The following ZDHHC15 variants were observed in gnomAD, a reference collection of about 807,000 sequenced individuals.
The protein encoded by ZDHHC15 is palmitoyltransferase ZDHHC15.
In ZDHHC15, 19 loss-of-function variants were observed where a neutral mutation model predicts 31.7. The observed-to-expected ratio is 0.60, with a 90% CI of 0.42 to 0.88. The LOEUF (loss-of-function observed/expected upper bound fraction) is 0.88, where lower values mean the gene tolerates loss of function less well. Ranked by LOEUF, ZDHHC15 falls within the 40% of genes least tolerant of loss-of-function variation. The pLI, the probability that ZDHHC15 is intolerant of heterozygous loss-of-function variation, is 0.00. For missense variants in ZDHHC15, 209 were observed against 251.2 expected (o/e 0.83, Z 1.14); for synonymous variants, 103 against 90.0 (o/e 1.14, Z -0.82).
chrX:75,387,308 C>G (rs1364342725), intron 10 of ZDHHC15, among the ~76,000 whole-genome samples: 1 of 111,774 alleles, frequency 8.9e-6, no homozygotes, highest in Admixed American at 9.5e-5. Context: ...CCATAACCTT[C>G]CCAAATGGAC....
At chrX:75,513,208 C>T (rs2085302212) in intron 1 of ZDHHC15, among the ~76,000 whole-genome samples, 1 of 111,565 alleles carries the variant, frequency 9.0e-6, no homozygotes, top group African/African-American at 3.3e-5. Flanking sequence ...TAGGCATTAC[C>T]ATTCAGGACA....
At chrX:75,496,217 A>G (rs1017616853) in intron 2 of ZDHHC15, among the ~76,000 whole-genome samples, 2 of 111,651 alleles carry the variant, frequency 1.8e-5, no homozygotes, top group Non-Finnish European at 3.8e-5. Context: ...CTTATATCAG[A>G]CAAAACAGAC....
chrX:75,444,993 C>T (rs2084013417), intron 4 of ZDHHC15, among the ~76,000 whole-genome samples: 2 of 108,656 alleles, frequency 1.8e-5, no homozygotes, highest in Admixed American at 2.0e-4. Flanking sequence ...AGAAATTATA[C>T]CATTGTTTCT....
Position 75,417,177 on chromosome X carries a change from G to A in ZDHHC15, c.877C>T (p.His293Tyr), listed in dbSNP as rs2083558135. ...IPIGSSPGDG[H>Y]SFPMRSMNES... ...TTCATAGACCTCATAGGGAAGGAGT[G>A]TCCATCACCAGGGCTGATGGGAAAA... The change falls in exon 10 of 12, where the codon CAC (histidine) becomes TAC (tyrosine). Residue 293 changes from histidine (H) to tyrosine (Y), a missense_variant. Physicochemically the swap from His to Tyr is moderately conservative, Grantham distance 83. Transcript: ENST00000373367. The A allele has an allele frequency of 8.3e-7, 1 of 1,201,512 alleles. No homozygotes were observed. Among genetic ancestry groups the A allele is most frequent in the Non-Finnish European group, 1.1e-6 (1 of 888,163 alleles).
chrX:75,384,748 C>A, intron 10 of ZDHHC15: 2 of 941,149 alleles, frequency 2.1e-6, no homozygotes, highest in Non-Finnish European at 3.1e-6. Flanking sequence ...GCCTGCTCCA[C>A]CCAGAGAAGC....
intron 1 of ZDHHC15, among the ~76,000 whole-genome samples, chrX:75,507,610 T>C (rs1163636089): frequency 8.9e-6 from 1 of 111,842 alleles, no homozygotes; most frequent in Non-Finnish European, 1.9e-5. Context: ...AGTGTACATT[T>C]AGCCATGCTA....
In ZDHHC15 at chrX:75,402,150, T is replaced by C. The variant is rs187742031; in HGVS notation, c.967+14937A>G. On this transcript the variant is annotated intron_variant, in intron 10 of 11. Coordinates refer to ENST00000373367, the MANE Select transcript of ZDHHC15 (RefSeq NM_144969.3). The stretch of plus-strand genomic sequence containing the variant: ...TGCTCCTGAATGACTTTTAGGTAAA[T>C]AATGAAATTAAGGCAGAAATTAAGT... 2.4e-4 allele frequency among the ~76,000 whole-genome samples: 27 copies of C among 112,273 alleles called. No homozygotes were observed. The East Asian group carries it at 3.6e-3, about 15-fold the overall frequency.
chrX:75,489,026 T>A (rs1288768073), intron 2 of ZDHHC15, among the ~76,000 whole-genome samples: 1 of 111,569 alleles, frequency 9.0e-6, no homozygotes, highest in Admixed American at 9.5e-5. Flanking sequence ...GAGATCAAAC[T>A]GCAAGGCGGC....
chrX:75,409,382 G>A (rs1316463666), intron 10 of ZDHHC15, among the ~76,000 whole-genome samples: 2 of 106,025 alleles, frequency 1.9e-5, no homozygotes, highest in African/African-American at 6.9e-5. Context: ...TAGCTACTCA[G>A]GAGCCTGAGG....
At chrX:75,517,940 G>C (rs1164087548) in intron 1 of ZDHHC15, among the ~76,000 whole-genome samples, 2 of 108,558 alleles carry the variant, frequency 1.8e-5, no homozygotes, top group Non-Finnish European at 3.8e-5. Context: ...AGATCAGCCT[G>C]GGCAACATAG....
intron 10 of ZDHHC15, among the ~76,000 whole-genome samples, chrX:75,387,190 T>C (rs751770469): frequency 6.3e-5 from 7 of 111,676 alleles, no homozygotes; most frequent in Non-Finnish European, 1.1e-4. Flanking sequence ...TAAGCAAACA[T>C]AATGAATAAA....
intron 10 of ZDHHC15, among the ~76,000 whole-genome samples, chrX:75,389,662 C>T (rs760108854): frequency 4.5e-5 from 5 of 110,943 alleles, no homozygotes; most frequent in African/African-American, 1.3e-4. Context: ...GGATTTATCA[C>T]CTGCTAACTA....
At chrX:75,422,917 C>T (rs1284727106) in intron 8 of ZDHHC15, among the ~76,000 whole-genome samples, 3 of 106,367 alleles carry the variant, frequency 2.8e-5, no homozygotes, top group African/African-American at 6.8e-5. Flanking sequence ...AACTTGTCAT[C>T]TAGCATTAGG....
chrX:75,450,174 C>T (rs760512192), intron 4 of ZDHHC15, among the ~76,000 whole-genome samples: 15 of 111,735 alleles, frequency 1.3e-4, no homozygotes, highest in African/African-American at 3.9e-4. Context: ...AGAAGCCAGA[C>T]GCAAGAGTAT....
At chrX:75,441,022 G>A (rs761967371) in intron 4 of ZDHHC15, among the ~76,000 whole-genome samples, 27 of 111,605 alleles carry the variant, frequency 2.4e-4, no homozygotes, top group Non-Finnish European at 4.3e-4. Context: ...CACTCTCCCC[G>A]TACCCACCAA....
At chrX:75,488,502 C>T (rs1052403207) in intron 2 of ZDHHC15, among the ~76,000 whole-genome samples, 1 of 112,492 alleles carries the variant, frequency 8.9e-6, no homozygotes, top group East Asian at 2.8e-4. Flanking sequence ...GCCAGCTCTA[C>T]AAGAAATGTT....
intron 9 of ZDHHC15, among the ~76,000 whole-genome samples, chrX:75,418,004 G>T (rs980866938): frequency 3.6e-5 from 4 of 112,136 alleles, no homozygotes. Flanking sequence ...GAATGTAAGT[G>T]TACTGATTAT....
At chrX:75,474,482 CT>C (rs2084559112) in intron 3 of ZDHHC15, among the ~76,000 whole-genome samples, 1 of 40,992 alleles carries the variant, frequency 2.4e-5, no homozygotes, top group Non-Finnish European at 5.9e-5. Flanking sequence ...CATATATGTA[CT>C]TTTATTATAC....
chrX:75,515,258 C>G (rs2085338212), intron 1 of ZDHHC15, among the ~76,000 whole-genome samples: 1 of 111,030 alleles, frequency 9.0e-6, no homozygotes, highest in Non-Finnish European at 1.9e-5. Flanking sequence ...CAAAGCCTGG[C>G]AGAGACACAA....
Sources: allele counts gnomAD v4.1 joint callset (sites outside exome capture counted in the v4.1 genomes callset), GRCh38; gene constraint gnomAD v4.1.1; transcripts MANE v1.5; gene names NCBI Gene and HGNC (gene_info 2026-07-23, HGNC 2026-07-21).